Variants in GABRA5 observed in about 807,000 individuals in gnomAD.
GABRA5 encodes the protein gamma-aminobutyric acid type A receptor subunit alpha5, also known as gamma-aminobutyric acid receptor subunit alpha-5.
Under a neutral mutation model 47.3 loss-of-function variants are expected in GABRA5, and 18 were observed. The ratio of observed to expected loss-of-function variants is 0.38; its 90% CI spans 0.26 to 0.56. The LOEUF is 0.56. Among genes scored for constraint, GABRA5 ranks in the 20% least tolerant of loss-of-function variants. The probability of loss-of-function intolerance (pLI) is 0.71; values close to 1 mark genes in which losing one functional copy is unlikely to be tolerated. For synonymous variants in GABRA5, 237 were observed against 229.3 expected, an observed-to-expected ratio of 1.03 and a Z score of -0.30; for missense variants, 365 against 599.3, an observed-to-expected ratio of 0.61 and a Z score of 4.08.
At chr15:26,895,201 C>T (rs903529824) in intron 6 of GABRA5, among the ~76,000 whole-genome samples, 1 of 152,016 alleles carries the variant, frequency 6.6e-6, no homozygotes, top group Non-Finnish European at 1.5e-5. Flanking sequence ...CCCTTCAGTC[C>T]CCCCACCTCA....
intron 7 of GABRA5, among the ~76,000 whole-genome samples, chr15:26,919,880 G>A (rs968051124): frequency 1.1e-4 from 16 of 151,828 alleles, no homozygotes; most frequent in African/African-American, 3.9e-4. Flanking sequence ...TTGAAGGAGA[G>A]TTCTGCCAGG....
At chr15:26,904,166 A>G (rs1171465494) in intron 6 of GABRA5, among the ~76,000 whole-genome samples, 1 of 152,148 alleles carries the variant, frequency 6.6e-6, no homozygotes, top group Non-Finnish European at 1.5e-5. Flanking sequence ...AAAGGGGTAC[A>G]GTTTCAATCT....
At chr15:26,921,601 G>A (rs1893844407) in intron 7 of GABRA5, among the ~76,000 whole-genome samples, 1 of 151,754 alleles carries the variant, frequency 6.6e-6, no homozygotes, top group Non-Finnish European at 1.5e-5. Flanking sequence ...ACTGATTTCT[G>A]CTTTCATCTT....
chr15:26,914,581 C>A (rs888989174), intron 6 of GABRA5, among the ~76,000 whole-genome samples: 4 of 152,184 alleles, frequency 2.6e-5, no homozygotes, highest in Non-Finnish European at 5.9e-5. Flanking sequence ...GGTACACACC[C>A]TAAGCCACCG....
intron 10 of GABRA5, among the ~76,000 whole-genome samples, chr15:26,947,351 C>G (rs981503150): frequency 2.0e-5 from 3 of 152,130 alleles, no homozygotes; most frequent in African/African-American, 7.2e-5. Context: ...TTTTCTGCTC[C>G]TCTTCCTCCT....
At chr15:26,868,953 A>C (rs924993123) in intron 2 of GABRA5, among the ~76,000 whole-genome samples, 160 bp downstream of exon 2, 2 of 152,222 alleles carry the variant, frequency 1.3e-5, no homozygotes, top group Admixed American at 1.3e-4. Context: ...GTGATTCTGC[A>C]CCCTGAGTAG....
intron 6 of GABRA5, among the ~76,000 whole-genome samples, chr15:26,912,080 G>A (rs1056553266): frequency 4.7e-4 from 72 of 152,228 alleles, no homozygotes; most frequent in African/African-American, 1.6e-3. Context: ...GACTGCTCCC[G>A]TGTGAGCCCC....
Position 26,947,947 on chromosome 15 carries a change from T to C in GABRA5, c.1103T>C (p.Val368Ala). 1 of 1,576,174 alleles carries C rather than the reference T, an allele frequency of 6.3e-7. No individual in the cohort carries two copies. Among genetic ancestry groups the C allele is most frequent in the Non-Finnish European group, 8.6e-7 (1 of 1,159,976 alleles). Residue 368 changes from valine to alanine, a missense_variant, in exon 11 of 11, where the codon GTC becomes GCC. This residue lies in a region of GABRA5 where 106 missense variants were observed against 130.3 expected (regional missense o/e 0.81). Transcript: ENST00000335625. ...TATATTTTGCAGAAAAAGCGTGAAG[T>C]CATACTAAATAAGTCAACAAACGCT... ...EAAKIKKKRE[V>A]ILNKSTNAFT... is the part of the protein sequence containing the mutation.
intron 7 of GABRA5, among the ~76,000 whole-genome samples, chr15:26,925,688 T>G (rs1318130773): frequency 6.6e-6 from 1 of 152,230 alleles, no homozygotes; most frequent in Non-Finnish European, 1.5e-5. Context: ...GGTCCTTTTT[T>G]TTTGTTTCTT....
rs187122110 is a variant in GABRA5, at chr15:26,907,137, T to C, written c.498-7666T>C. Among the ~76,000 whole-genome samples, 515 of 152,326 alleles carry C rather than the reference T, an allele frequency of 3.4e-3. 3 individuals carry two copies. The highest frequency in any genetic ancestry group is 0.012 in the African/African-American group (489 of 41,582). On this transcript the variant is annotated intron_variant, in intron 6 of 10. Transcript: ENST00000335625. The stretch of plus-strand genomic sequence containing the variant: ...AATCCATTAGCCTTAAAATAATTCA[T>C]GAAATCTGTAATTCAAACTCAAAGT...
At chr15:26,899,237 A>G (rs997572579) in intron 6 of GABRA5, among the ~76,000 whole-genome samples, 6 of 152,140 alleles carry the variant, frequency 3.9e-5, no homozygotes, top group Non-Finnish European at 7.4e-5. Flanking sequence ...TAATTTCCAC[A>G]TATTTGTGAA....
intron 6 of GABRA5, among the ~76,000 whole-genome samples, chr15:26,911,519 A>G (rs1334911832): frequency 6.6e-6 from 1 of 152,118 alleles, no homozygotes; most frequent in Non-Finnish European, 1.5e-5. Flanking sequence ...CTCAGGGCCA[A>G]ACAGCTAGAA....
rs537622347 is a variant in GABRA5 at position 26,919,149 on chromosome 15, C to A, written c.580+4264C>A. On this transcript the variant is annotated intron_variant, in intron 7 of 10. Transcript: ENST00000335625. ...TAGTGTAACACCCTGTCTCAAGAAA[C>A]AAAACACACACAAAAAAAGAGTCGG... 4.6e-5 allele frequency among the ~76,000 whole-genome samples: 7 copies of A among 151,364 alleles called. No homozygotes were observed. The East Asian group carries it at 7.8e-4, about 17-fold the overall frequency.
chr15:26,907,335 G>A (rs961437388), intron 6 of GABRA5, among the ~76,000 whole-genome samples: 3 of 152,186 alleles, frequency 2.0e-5, no homozygotes, highest in African/African-American at 4.8e-5. Context: ...ACTTTTACAA[G>A]CTTGCTCTTC....
chr15:26,936,877 G>T (rs1334821247), intron 7 of GABRA5, among the ~76,000 whole-genome samples: 1 of 152,170 alleles, frequency 6.6e-6, no homozygotes, highest in Non-Finnish European at 1.5e-5. Flanking sequence ...GAGCTGGAGG[G>T]ACCCAGGCAC....
intron 9 of GABRA5, 43 bp from the exon 10 acceptor site, chr15:26,943,172 C>G: frequency 6.8e-7 from 1 of 1,471,694 alleles, no homozygotes; most frequent in Non-Finnish European, 9.2e-7. Context: ...CCAGCACTGA[C>G]CCCTGTTTCC....
intron 7 of GABRA5, among the ~76,000 whole-genome samples, chr15:26,930,006 C>CTTGTTTTTTTTTTTTTTTTTTT (rs1383514715): frequency 8.8e-6 from 1 of 113,416 alleles, no homozygotes; most frequent in East Asian, 3.0e-4. Context: ...TCTTCTTCTT[C>CTTGTTTTTTTTTTTTTTTTTTT]TTTTTTTTTT....
intron 7 of GABRA5, among the ~76,000 whole-genome samples, chr15:26,936,188 C>G (rs938913739): frequency 6.6e-6 from 1 of 152,190 alleles, no homozygotes; most frequent in African/African-American, 2.4e-5. Flanking sequence ...CCTCCCCAGC[C>G]ATGTGGAACT....
At chr15:26,933,894 G>A (rs1894167826) in intron 7 of GABRA5, among the ~76,000 whole-genome samples, 1 of 152,174 alleles carries the variant, frequency 6.6e-6, no homozygotes, top group Non-Finnish European at 1.5e-5. Context: ...CCATTGATGT[G>A]TTAGGTGCTG....
Sources: allele counts gnomAD v4.1 joint callset (sites outside exome capture counted in the v4.1 genomes callset), GRCh38; gene constraint gnomAD v4.1.1; regional missense constraint gnomAD v4.1.1; transcripts MANE v1.5; gene names NCBI Gene and HGNC (gene_info 2026-07-23, HGNC 2026-07-21).